FAM72C: variants seen among roughly 807,000 people sequenced by gnomAD.
FAM72C encodes the protein RUMY family member 3.
In FAM72C, 1 loss-of-function variant was observed where a neutral mutation model predicts 5.2. The ratio of observed to expected loss-of-function variants is 0.19; its 90% confidence interval spans 0.07 to 0.91. The LOEUF (loss-of-function observed/expected upper bound fraction) is 0.91. Among genes scored for constraint, FAM72C ranks in the 40% least tolerant of loss-of-function variants. FAM72C has a pLI of 0.66. For synonymous variants in FAM72C, 1 was observed against 21.8 expected (o/e 0.05, Z 2.66); for missense variants, 4 against 66.0 (o/e 0.06, Z 3.25).
chr1:143,963,744 G>C (rs1553518051), intron 3 of FAM72C, among the ~76,000 whole-genome samples: 2 of 133,552 alleles, frequency 1.5e-5, no homozygotes. Flanking sequence ...ATCAAGGCAA[G>C]ACCCTCCACC....
chr1:143,960,395 C>A (rs1661575059), intron 3 of FAM72C, among the ~76,000 whole-genome samples: 1 of 73,774 alleles, frequency 1.4e-5, no homozygotes, highest in Admixed American at 1.3e-4. Flanking sequence ...GACAGAATGA[C>A]TCCATCTCAA....
At position 143,955,431 on chromosome 1, in the gene FAM72C, A is replaced by G. The variant is rs1185268210; in HGVS notation, c.*956T>C. ...CTGCTTTGGTATTGACAAAATCCCT[A>G]CAACTGAGATATTAAAGAGATACAT... On this transcript the variant is annotated 3_prime_UTR_variant, in exon 4 of 4. Coordinates refer to ENST00000584486, the MANE Select transcript of FAM72C (RefSeq NM_001287385.2). 2 of 137,014 alleles carry G rather than the reference A, an allele frequency of 1.5e-5. No homozygotes were observed. The highest frequency in any genetic ancestry group is 1.5e-4 in the Admixed American group (2 of 13,556). 8.5% of individuals were successfully genotyped at this position (137,014 alleles called of 1,614,324 possible).
chr1:143,960,831 A>ATTTTTT (rs1255827785), intron 3 of FAM72C, among the ~76,000 whole-genome samples: 1 of 115,312 alleles, frequency 8.7e-6, no homozygotes, highest in African/African-American at 3.4e-5. Context: ...TTACTAAAAT[A>ATTTTTT]TTTTTTTTTT....
chr1:143,967,358 G>A lies in FAM72C; in HGVS notation c.230+1566C>T, dbSNP rs1162057133. Reference sequence around the variant, plus strand: ...CTGGGCATGGTGGTGCGTGCCTGTAGTCTCAGCTACTCAGGAGGCTGAGGC... The same window carrying A: ...CTGGGCATGGTGGTGCGTGCCTGTAATCTCAGCTACTCAGGAGGCTGAGGC... On this transcript the variant is annotated intron_variant, in intron 2 of 3. Transcript: ENST00000584486. Among the ~76,000 whole-genome samples, 9 of 144,096 alleles carry A rather than the reference G, an allele frequency of 6.2e-5. 1 individual carries two copies. The highest frequency in any genetic ancestry group is 1.4e-4 in the Non-Finnish European group (9 of 65,222). The allele number at this position is 144,096 out of a possible 152,430, so 94.5% of individuals were successfully genotyped here.
At chr1:143,965,993 A>G in intron 2 of FAM72C, among the ~76,000 whole-genome samples, 1 of 108,368 alleles carries the variant, frequency 9.2e-6, no homozygotes, top group Admixed American at 9.7e-5. Flanking sequence ...AAAAAATAGC[A>G]ACATGAACTG....
In FAM72C at chr1:143,962,007, T is replaced by C. The variant is rs1379013699; in HGVS notation, c.355+2848A>G. Among the ~76,000 whole-genome samples, 3 of 146,088 alleles carry C rather than the reference T, an allele frequency of 2.1e-5. No individual in the cohort carries two copies. The East Asian group carries it at 6.1e-4, about 30-fold the overall frequency. ...GTGGCTACACTAAACAACAGATTTT[T>C]CTTTTCTTTTCTTTTTTTTTTTTTG... On this transcript the variant is annotated intron_variant, in intron 3 of 3. Coordinates refer to ENST00000584486, the MANE Select transcript of FAM72C (RefSeq NM_001287385.2).
At chr1:143,962,261 G>A (rs1423154088) in intron 3 of FAM72C, among the ~76,000 whole-genome samples, 1 of 144,560 alleles carries the variant, frequency 6.9e-6, no homozygotes, top group Non-Finnish European at 1.5e-5. Flanking sequence ...TGATCTGCCC[G>A]CTTCGGCCTC....
rs1299152030 is a variant in FAM72C at position 143,966,892 on chromosome 1, G to T, written c.231-1913C>A. 1.8e-4 allele frequency among the ~76,000 whole-genome samples: 25 copies of T among 140,924 alleles called. 1 individual carries two copies. The highest frequency in any genetic ancestry group is 2.9e-4 in the Non-Finnish European group (19 of 64,632). The allele number at this position is 140,924 out of a possible 152,430, so 92.5% of individuals were successfully genotyped here. A position where few individuals can be genotyped will look rare whatever the true frequency, so the allele number is the denominator to read the frequency against. On this transcript the variant is annotated intron_variant, in intron 2 of 3. Coordinates refer to ENST00000584486, the MANE Select transcript of FAM72C (RefSeq NM_001287385.2). The stretch of plus-strand genomic sequence containing the variant: ...AAAATACGAAAATTAACTGGGCATG[G>T]TGGCACGTGCCTGTAGTCCCAGCTA...
rs1322917825 is a variant in FAM72C, at chr1:143,967,457, G to A, written c.230+1467C>T. 2.9e-5 allele frequency among the ~76,000 whole-genome samples: 4 copies of A among 138,622 alleles called. 1 individual carries two copies. Among genetic ancestry groups the A allele is most frequent in the East Asian group, 4.2e-4 (2 of 4,760 alleles). 90.9% of individuals were successfully genotyped at this position (138,622 alleles called of 152,430 possible). On this transcript the variant is annotated intron_variant, in intron 2 of 3. Transcript: ENST00000584486. Reference sequence around the variant, plus strand: ...CGTGCCACTGCACTCTAGCCTGGGCGACAGAGCAAAACTCCGTCTTAAAAA... The same window carrying A: ...CGTGCCACTGCACTCTAGCCTGGGCAACAGAGCAAAACTCCGTCTTAAAAA...
chr1:143,967,608 T>G (rs1661811861), intron 2 of FAM72C, among the ~76,000 whole-genome samples: 1 of 128,558 alleles, frequency 7.8e-6, no homozygotes, highest in Non-Finnish European at 1.7e-5. Context: ...CAAGTATAGC[T>G]TAAATAAAGG....
chr1:143,960,721 C>CAAA (rs587594127), intron 3 of FAM72C, among the ~76,000 whole-genome samples: 4 of 51,056 alleles, frequency 7.8e-5, no homozygotes, highest in Admixed American at 2.2e-4. Context: ...AACTCTGTCT[C>CAAA]AAAAAAAAAA....
chr1:143,966,910 C>T (rs2101706584), intron 2 of FAM72C, among the ~76,000 whole-genome samples: 1 of 142,714 alleles, frequency 7.0e-6, no homozygotes, highest in Admixed American at 7.0e-5. Context: ...TGCCTGTAGT[C>T]CCAGCTACTC....
rs1245098814 is a variant in FAM72C at position 143,966,791 on chromosome 1, G to T, written c.231-1812C>A. Among the ~76,000 whole-genome samples, 115 of 144,808 alleles carry T rather than the reference G, an allele frequency of 7.9e-4. 8 individuals are homozygous for T. Among genetic ancestry groups the T allele is most frequent in the Non-Finnish European group, 1.5e-3 (96 of 65,420 alleles). 95.0% of individuals were successfully genotyped at this position (144,808 alleles called of 152,430 possible). A position where few individuals can be genotyped will look rare whatever the true frequency, so the allele number is the denominator to read the frequency against. On this transcript the variant is annotated intron_variant, in intron 2 of 3. Coordinates refer to ENST00000584486, the MANE Select transcript of FAM72C (RefSeq NM_001287385.2). ...GCCTGTAATCCCAGCACTTTGGGAGGCTGAGGCGGGTGGATCACTTGAGGT... is the reference window on the plus strand; with the variant it reads ...GCCTGTAATCCCAGCACTTTGGGAGTCTGAGGCGGGTGGATCACTTGAGGT...
chr1:143,966,165 G>GA (rs1661766621), intron 2 of FAM72C, among the ~76,000 whole-genome samples: 1 of 95,562 alleles, frequency 1.0e-5, no homozygotes, highest in African/African-American at 3.2e-5. Context: ...GCAAACAAAT[G>GA]AAAACAAAAG....
At chr1:143,965,902 A>T (rs1339956926) in intron 2 of FAM72C, among the ~76,000 whole-genome samples, 2,743 of 122,670 alleles carry the variant, frequency 0.022, 270 homozygotes, top group Admixed American at 0.091. Context: ...GTCTTTCACA[A>T]TTTTTTTTTT....
At chr1:143,959,733 T>C (rs1310717344) in intron 3 of FAM72C, among the ~76,000 whole-genome samples, 1 of 126,486 alleles carries the variant, frequency 7.9e-6, no homozygotes, top group African/African-American at 3.1e-5. Context: ...TCCCAGCCCT[T>C]TGGAGGCCAA....
intron 3 of FAM72C, among the ~76,000 whole-genome samples, chr1:143,963,864 C>G (rs1394155866): frequency 3.0e-5 from 4 of 132,512 alleles, no homozygotes; most frequent in Admixed American, 2.3e-4. Context: ...GTTGCCCAGG[C>G]TGAAATGCAC....
Position 143,965,233 on chromosome 1 carries a change from G to A in FAM72C, c.231-254C>T, listed in dbSNP as rs1252249283. On this transcript the variant is annotated intron_variant, in intron 2 of 3. Coordinates refer to ENST00000584486, the MANE Select transcript of FAM72C (RefSeq NM_001287385.2). Reference sequence around the variant, plus strand: ...TATTATTATTATTATTATTATTATTGAGACCGAGTTTTGCTCTTGTCACCC... The same window carrying A: ...TATTATTATTATTATTATTATTATTAAGACCGAGTTTTGCTCTTGTCACCC... Among the ~76,000 whole-genome samples, 293 of 101,370 alleles carry A rather than the reference G, an allele frequency of 2.9e-3. 2 individuals carry two copies. The highest frequency in any genetic ancestry group is 4.1e-3 in the Non-Finnish European group (204 of 49,384). The allele number at this position is 101,370 out of a possible 152,430, so 66.5% of individuals were successfully genotyped here.
At chr1:143,962,295 T>C (rs1244781254) in intron 3 of FAM72C, among the ~76,000 whole-genome samples, 2 of 144,268 alleles carry the variant, frequency 1.4e-5, no homozygotes, top group African/African-American at 2.5e-5. Context: ...ATTACAGGCG[T>C]GAGCCACCGC....
Sources: gnomAD v4.1 joint callset for allele counts (sites outside exome capture counted in the v4.1 genomes callset) on GRCh38, gnomAD v4.1.1 for gene constraint, MANE v1.5 for transcripts, NCBI Gene and HGNC (gene_info 2026-07-23, HGNC 2026-07-21) for gene names.